Variants in PKNOX2 observed in about 807,000 individuals in gnomAD.
PKNOX2 encodes the protein PBX/knotted 1 homeobox 2, also known as homeobox protein PKNOX2.
A neutral mutation model predicts 53.1 loss-of-function variants in PKNOX2; 14 were observed. That is an observed-to-expected ratio of 0.26 (90% CI 0.17 to 0.41). PKNOX2 has a LOEUF of 0.41. PKNOX2 is among the 10% of genes least tolerant of loss of function. PKNOX2 has a pLI of 1.00. For synonymous variants in PKNOX2, 257 were observed against 242.8 expected (o/e 1.06, Z -0.54); for missense variants, 496 against 602.8 (o/e 0.82, Z 1.85).
chr11:125,176,568 T>G (rs751100054), intron 1 of PKNOX2, among the ~76,000 whole-genome samples: 28 of 152,158 alleles, frequency 1.8e-4, no homozygotes, highest in Non-Finnish European at 1.8e-4. Context: ...CTGGAGGAAG[T>G]GAGCTTTAAG....
intron 2 of PKNOX2, among the ~76,000 whole-genome samples, chr11:125,276,458 A>G (rs1309563914): frequency 1.3e-5 from 2 of 152,176 alleles, no homozygotes; most frequent in African/African-American, 4.8e-5. Context: ...ATGGCACGGG[A>G]GAATGGGTTC....
intron 1 of PKNOX2, among the ~76,000 whole-genome samples, chr11:125,173,234 C>T (rs1955452668): frequency 6.6e-6 from 1 of 152,210 alleles, no homozygotes; most frequent in Non-Finnish European, 1.5e-5. Context: ...AGTCTTCTGT[C>T]CTAATAAAGC....
At chr11:125,379,014 A>C (rs1953034625) in intron 5 of PKNOX2, among the ~76,000 whole-genome samples, 1 of 151,262 alleles carries the variant, frequency 6.6e-6, no homozygotes, top group Admixed American at 6.6e-5. Flanking sequence ...AAAGAAAGAA[A>C]GAGAAATGAA....
chr11:125,211,591 C>T (rs1412299046), intron 1 of PKNOX2, among the ~76,000 whole-genome samples: 3 of 152,094 alleles, frequency 2.0e-5, no homozygotes, highest in Non-Finnish European at 2.9e-5. Flanking sequence ...TCAGGGAAGG[C>T]CTTTCTGAGC....
chr11:125,255,830 A>G (rs1465696832), intron 2 of PKNOX2, among the ~76,000 whole-genome samples: 1 of 151,848 alleles, frequency 6.6e-6, no homozygotes, highest in East Asian at 1.9e-4. Flanking sequence ...TCCCAAGTTC[A>G]GCATTCCAAA....
intron 2 of PKNOX2, among the ~76,000 whole-genome samples, chr11:125,289,683 C>A (rs533462902): frequency 1.3e-4 from 20 of 152,158 alleles, no homozygotes; most frequent in African/African-American, 4.3e-4. Context: ...AAACAAAAAA[C>A]CAAATGTTAC....
At chr11:125,221,336 G>A (rs1428604143) in intron 1 of PKNOX2, among the ~76,000 whole-genome samples, 1 of 152,084 alleles carries the variant, frequency 6.6e-6, no homozygotes, top group African/African-American at 2.4e-5. Context: ...GCCAGGTGAG[G>A]GGAACTCTAG....
intron 5 of PKNOX2, 127 bp from the exon 6 acceptor site, chr11:125,385,424 G>A: frequency 9.3e-7 from 1 of 1,079,812 alleles, no homozygotes; most frequent in Non-Finnish European, 1.3e-6. Context: ...GACTGGGGAT[G>A]TTATCAAGGA....
intron 1 of PKNOX2, among the ~76,000 whole-genome samples, chr11:125,222,227 A>C (rs1941217641): frequency 6.6e-6 from 1 of 152,102 alleles, no homozygotes; most frequent in Non-Finnish European, 1.5e-5. Context: ...GTCTTTCCTC[A>C]TCCTGAGCCA....
At chr11:125,194,467 C>G (rs926144683) in intron 1 of PKNOX2, among the ~76,000 whole-genome samples, 6 of 152,126 alleles carry the variant, frequency 3.9e-5, no homozygotes, top group Admixed American at 3.9e-4. Context: ...CCCCCACCCC[C>G]ACCCTGCTTC....
At chr11:125,178,605 GGAAGGAAAGAAAGAAAGAAAGAAA>G (rs1955887644) in intron 1 of PKNOX2, among the ~76,000 whole-genome samples, 1 of 32,698 alleles carries the variant, frequency 3.1e-5, no homozygotes, top group African/African-American at 1.4e-4. Context: ...AAGGAAGGAA[GGAAGGAAAGAAAGAAAGAAAGAAA>G]GAAAGAAAGA....
At chr11:125,247,718 T>C (rs961087858) in intron 2 of PKNOX2, among the ~76,000 whole-genome samples, 8 of 152,194 alleles carry the variant, frequency 5.3e-5, no homozygotes, top group African/African-American at 1.4e-4. Context: ...TCCATGTCTC[T>C]GTTACTTGCA....
chr11:125,187,953 C>T (rs927164309), intron 1 of PKNOX2, among the ~76,000 whole-genome samples: 6 of 152,182 alleles, frequency 3.9e-5, no homozygotes, highest in Non-Finnish European at 8.8e-5. Flanking sequence ...CAGAAAATAC[C>T]AATTTCATGG....
intron 7 of PKNOX2, among the ~76,000 whole-genome samples, chr11:125,409,028 T>C (rs977322752): frequency 3.9e-5 from 6 of 152,198 alleles, no homozygotes; most frequent in Admixed American, 6.5e-5. Context: ...GAAATGGCCA[T>C]TGGACCTGTT....
intron 2 of PKNOX2, among the ~76,000 whole-genome samples, chr11:125,269,021 G>A (rs1945577409): frequency 6.6e-6 from 1 of 152,196 alleles, no homozygotes; most frequent in African/African-American, 2.4e-5. Context: ...CCTAGATGCT[G>A]CCAAAGGTGG....
intron 2 of PKNOX2, among the ~76,000 whole-genome samples, chr11:125,307,762 C>T (rs999705058): frequency 1.1e-4 from 16 of 152,198 alleles, no homozygotes; most frequent in Non-Finnish European, 4.4e-5. Context: ...AATGCTCTAC[C>T]AGCTGCCATC....
Position 125,410,320 on chromosome 11 carries a change from T to TGTCAG in PKNOX2, c.717_718+3dup, listed in dbSNP as rs1955426621. ...ATGACAACCGTCAACTCACAAGTTG[T>TGTCAG]GTCAGGTCGGTGCAAAGACTGGGAA... On this transcript the variant is annotated frameshift_variant, in exon 8 of 13. Transcript: ENST00000298282. LOFTEE classifies it high-confidence loss of function. The TGTCAG allele has an allele frequency of 1.2e-6, 2 of 1,613,836 alleles. No homozygotes were observed. Among genetic ancestry groups the TGTCAG allele is most frequent in the Non-Finnish European group, 8.5e-7 (1 of 1,179,960 alleles).
chr11:125,211,165 C>T (rs984631968), intron 1 of PKNOX2, among the ~76,000 whole-genome samples: 1 of 152,062 alleles, frequency 6.6e-6, no homozygotes, highest in African/African-American at 2.4e-5. Flanking sequence ...GGCTGGTAAG[C>T]AGGGATAGTT....
At chr11:125,410,567 C>T (rs1468200516) in intron 8 of PKNOX2, 5 of 666,190 alleles carry the variant, frequency 7.5e-6, no homozygotes, top group Non-Finnish European at 1.3e-5. Flanking sequence ...AGGCTGTTGT[C>T]CCTTCCCCGA....
Sources: allele counts gnomAD v4.1 joint callset (sites outside exome capture counted in the v4.1 genomes callset), GRCh38; gene constraint gnomAD v4.1.1; transcripts MANE v1.5; gene names NCBI Gene and HGNC (gene_info 2026-07-23, HGNC 2026-07-21).